Variants in ANKS1A observed in about 807,000 individuals in gnomAD.
ANKS1A encodes the protein ankyrin repeat and sterile alpha motif domain containing 1A, also known as ankyrin repeat and SAM domain-containing protein 1A.
In ANKS1A, 55 loss-of-function variants were observed where a neutral mutation model predicts 120.3. The observed-to-expected ratio is 0.46, with a 90% confidence interval of 0.37 to 0.57. The LOEUF (loss-of-function observed/expected upper bound fraction) is 0.57, where lower values mean the gene tolerates loss of function less well. Among genes scored for constraint, ANKS1A ranks in the 20% least tolerant of loss-of-function variants. ANKS1A has a pLI of 0.00. For missense variants in ANKS1A, 1,123 were observed against 1,480.3 expected (o/e 0.76, Z 3.96); for synonymous variants, 590 against 604.7 (o/e 0.98, Z 0.36).
chr6:35,058,215 G>T lies in ANKS1A; in HGVS notation c.2078-1932G>T. The T allele has an allele frequency of 6.5e-6, 1 of 152,788 alleles. No homozygotes were observed. The allele number at this position is 152,788 out of a possible 1,614,324, so 9.5% of individuals were successfully genotyped here. On this transcript the variant is annotated intron_variant, in intron 12 of 23. Transcript: ENST00000360359. This position sits in a 1 kb window ranked among gnomAD's most constrained non-coding sequence, Gnocchi z 5.1. ...CATTACGAGAGTGAGCAAGGACTGTGGAGCCAGCAGCAGGCAGCGTGGAGC... is the reference window on the plus strand; with the variant it reads ...CATTACGAGAGTGAGCAAGGACTGTTGAGCCAGCAGCAGGCAGCGTGGAGC...
chr6:34,995,368 GT>G (rs139064243), intron 10 of ANKS1A, among the ~76,000 whole-genome samples: 7 of 150,632 alleles, frequency 4.6e-5, no homozygotes, highest in Admixed American at 1.3e-4. Context: ...TTTTCATAGT[GT>G]TTTTTTTTGT....
intron 3 of ANKS1A, among the ~76,000 whole-genome samples, chr6:34,974,057 C>G (rs1419298543): frequency 2.7e-5 from 1 of 36,920 alleles, no homozygotes; most frequent in Non-Finnish European, 5.0e-5. Context: ...CTTCCCCTTC[C>G]CTTCCCCTTC....
rs1484671363 is a variant in ANKS1A, at chr6:35,050,267, A to G, written c.2011-3832A>G. ...GAGTATTTCCAAGCATTTTTTGAAGACAAGAGTCCATTATGGTGATAACTT... is the reference window on the plus strand; with the variant it reads ...GAGTATTTCCAAGCATTTTTTGAAGGCAAGAGTCCATTATGGTGATAACTT... On this transcript the variant is annotated intron_variant, in intron 11 of 23. Transcript: ENST00000360359. This position sits in a 1 kb window ranked among gnomAD's most constrained non-coding sequence, Gnocchi z 4.3. Among the ~76,000 whole-genome samples the G allele has an allele frequency of 6.6e-6, 1 of 152,210 alleles. No homozygotes were observed. Among genetic ancestry groups the G allele is most frequent in the Non-Finnish European group, 1.5e-5 (1 of 68,034 alleles).
At chr6:35,018,828 G>C (rs1774182468) in intron 11 of ANKS1A, among the ~76,000 whole-genome samples, 1 of 152,124 alleles carries the variant, frequency 6.6e-6, no homozygotes. Flanking sequence ...ATGGCCTCCA[G>C]CTGCATCCAT....
intron 11 of ANKS1A, among the ~76,000 whole-genome samples, chr6:35,030,887 G>A (rs530142928): frequency 1.3e-5 from 2 of 152,168 alleles, no homozygotes; most frequent in South Asian, 2.1e-4. Flanking sequence ...CTTTTGTCCC[G>A]GCCCTTCGGT....
intron 1 of ANKS1A, among the ~76,000 whole-genome samples, chr6:34,946,578 A>C (rs1479883241): frequency 1.3e-5 from 2 of 151,436 alleles, no homozygotes; most frequent in South Asian, 2.1e-4. Context: ...ACAGAGCAAA[A>C]CTCTGTCTTG....
chr6:35,080,804 G>A (rs1005746098), intron 16 of ANKS1A, among the ~76,000 whole-genome samples, 190 bp from the exon 17 acceptor site: 17 of 152,116 alleles, frequency 1.1e-4, no homozygotes, highest in Non-Finnish European at 1.8e-4. Context: ...CCGCCCTCTC[G>A]GGGGACACTA....
intron 3 of ANKS1A, among the ~76,000 whole-genome samples, chr6:34,977,336 T>C (rs1457048939): frequency 3.3e-5 from 5 of 152,180 alleles, no homozygotes; most frequent in Non-Finnish European, 7.3e-5. Flanking sequence ...TTGATGATTA[T>C]GATTGATTGC....
chr6:34,922,417 C>G (rs1768483600), intron 1 of ANKS1A, among the ~76,000 whole-genome samples: 1 of 152,126 alleles, frequency 6.6e-6, no homozygotes, highest in African/African-American at 2.4e-5. Flanking sequence ...TTTTGTAAAC[C>G]TACCAATTCA....
chr6:35,067,735 A>G (rs1776849798), intron 13 of ANKS1A, among the ~76,000 whole-genome samples: 1 of 152,162 alleles, frequency 6.6e-6, no homozygotes, highest in African/African-American at 2.4e-5. Flanking sequence ...GCTCAGAAAA[A>G]TACACCAAAA....
intron 2 of ANKS1A, among the ~76,000 whole-genome samples, chr6:34,967,750 A>G (rs1216678167): frequency 6.6e-6 from 1 of 152,072 alleles, no homozygotes; most frequent in Non-Finnish European, 1.5e-5. Flanking sequence ...AGAAACAGAG[A>G]AAAACAAACG....
chr6:34,981,618 C>G, intron 3 of ANKS1A, 72 bp from the exon 4 acceptor site: 1 of 1,512,082 alleles, frequency 6.6e-7, no homozygotes, highest in Non-Finnish European at 9.0e-7. Flanking sequence ...AGTGGTTTTA[C>G]GAGTGGTTGT....
chr6:35,070,484 C>CTTTTTTTTT (rs869249276), intron 13 of ANKS1A, among the ~76,000 whole-genome samples: 2 of 63,006 alleles, frequency 3.2e-5, no homozygotes, highest in African/African-American at 6.1e-5. Flanking sequence ...AAGCCTTTAT[C>CTTTTTTTTT]TTTTTTTTTT....
chr6:35,085,815 C>T lies in ANKS1A; in HGVS notation c.3182C>T (p.Ala1061Val). 6.2e-7 allele frequency: 1 copy of T among 1,612,410 alleles called. No homozygotes were observed. The highest frequency in any genetic ancestry group is 8.5e-7 in the Non-Finnish European group (1 of 1,179,280). ...ILTLGQAFEVAYQLALQAQKS... is the reference protein window; with the variant it reads ...ILTLGQAFEVVYQLALQAQKS... ...ACGCTGGGGCAGGCCTTCGAAGTGG[C>T]CTATCAGTTGGCCCTGCAGGCCCAG... The change falls in exon 22 of 24, where the codon GCC (alanine) becomes GTC (valine). Residue 1061 changes from alanine to valine, a missense_variant. Ala to Val is a moderately conservative substitution (Grantham distance 64, BLOSUM62 0). Coordinates refer to ENST00000360359, the MANE Select transcript of ANKS1A (RefSeq NM_015245.3). The surrounding 1 kb of genome is among the most constrained non-coding windows in gnomAD (Gnocchi z 4.7).
chr6:35,031,276 A>G (rs1024402015), intron 11 of ANKS1A, among the ~76,000 whole-genome samples: 3 of 152,304 alleles, frequency 2.0e-5, no homozygotes, highest in South Asian at 4.1e-4. Flanking sequence ...GTCCCATCAC[A>G]TAACAGTGAC....
chr6:34,963,534 A>G, intron 1 of ANKS1A, among the ~76,000 whole-genome samples: 1 of 152,236 alleles, frequency 6.6e-6, no homozygotes. Context: ...ATGGACAGGT[A>G]GGTTGATTCC....
At chr6:35,045,262 C>T (rs1248787819) in intron 11 of ANKS1A, among the ~76,000 whole-genome samples, 2 of 152,196 alleles carry the variant, frequency 1.3e-5, no homozygotes, top group African/African-American at 4.8e-5. Flanking sequence ...TGCACTCAGA[C>T]CTCTTGTACA....
At chr6:34,923,706 G>A (rs1267843319) in intron 1 of ANKS1A, among the ~76,000 whole-genome samples, 2 of 152,136 alleles carry the variant, frequency 1.3e-5, no homozygotes, top group Admixed American at 6.6e-5. Context: ...CAGGTTATGG[G>A]GGAGATAGAG....
intron 10 of ANKS1A, among the ~76,000 whole-genome samples, chr6:35,013,004 T>C (rs992386711): frequency 3.3e-5 from 5 of 152,126 alleles, no homozygotes; most frequent in African/African-American, 1.2e-4. Context: ...TTGCCCAGGG[T>C]GGTCTCTAAC....
Sources: gnomAD v4.1 joint callset for allele counts (sites outside exome capture counted in the v4.1 genomes callset) on GRCh38, gnomAD v4.1.1 for gene constraint, Gnocchi (gnomAD v3.1) non-coding constraint, MANE v1.5 for transcripts, NCBI Gene and HGNC (gene_info 2026-07-23, HGNC 2026-07-21) for gene names.